The following RANBP17 variants were observed in gnomAD, a reference collection of about 807,000 sequenced individuals.
RANBP17 encodes ran-binding protein 17.
In RANBP17, 158 loss-of-function variants were observed where a neutral mutation model predicts 141.2. The ratio of observed to expected loss-of-function variants is 1.12; its 90% CI spans 0.98 to 1.28. The LOEUF (loss-of-function observed/expected upper bound fraction) is 1.28. RANBP17 is among the 50% of genes most tolerant of loss of function. The pLI is 0.00. For synonymous variants in RANBP17, 430 were observed against 450.0 expected, an observed-to-expected ratio of 0.96 and a Z score of 0.56; for missense variants, 1,438 against 1,290.7, an observed-to-expected ratio of 1.11 and a Z score of -1.75.
At chr5:170,903,024 A>C (rs1480672114) in intron 5 of RANBP17, among the ~76,000 whole-genome samples, 1 of 152,190 alleles carries the variant, frequency 6.6e-6, no homozygotes, top group Non-Finnish European at 1.5e-5. Context: ...GAGCTTGAGC[A>C]CCATGCTGGG....
chr5:171,192,858 C>T (rs762354954), intron 18 of RANBP17, among the ~76,000 whole-genome samples: 1 of 152,116 alleles, frequency 6.6e-6, no homozygotes, highest in Non-Finnish European at 1.5e-5. Flanking sequence ...CTGCCTGAAG[C>T]CACAGGTCAT....
intron 14 of RANBP17, among the ~76,000 whole-genome samples, chr5:171,147,917 T>C (rs1050203485): frequency 1.3e-5 from 2 of 152,136 alleles, no homozygotes; most frequent in Non-Finnish European, 2.9e-5. Context: ...GAACGGGCCA[T>C]GATGACAATG....
At chr5:171,232,514 C>G (rs1283466598) in intron 22 of RANBP17, among the ~76,000 whole-genome samples, 1 of 151,700 alleles carries the variant, frequency 6.6e-6, no homozygotes, top group African/African-American at 2.4e-5. Flanking sequence ...TTTTCTCTAA[C>G]TATAAAATAA....
At chr5:171,225,917 C>T (rs1270375055) in intron 22 of RANBP17, among the ~76,000 whole-genome samples, 1 of 152,160 alleles carries the variant, frequency 6.6e-6, no homozygotes, top group African/African-American at 2.4e-5. Flanking sequence ...CTCCTCTTGC[C>T]GTTACAGCTC....
chr5:170,942,694 A>T (rs1192543510), intron 12 of RANBP17, among the ~76,000 whole-genome samples: 1 of 152,232 alleles, frequency 6.6e-6, no homozygotes, highest in East Asian at 1.9e-4. Flanking sequence ...AGTATTGCTA[A>T]TGCATTGATT....
intron 3 of RANBP17, among the ~76,000 whole-genome samples, chr5:170,882,144 C>T (rs948225710): frequency 1.3e-5 from 2 of 152,044 alleles, no homozygotes; most frequent in South Asian, 2.1e-4. Context: ...AGTGCAGTGG[C>T]GCGATCTCAG....
At chr5:171,163,028 A>T (rs1170643186) in intron 14 of RANBP17, among the ~76,000 whole-genome samples, 1 of 152,194 alleles carries the variant, frequency 6.6e-6, no homozygotes, top group African/African-American at 2.4e-5. Context: ...TAACATTCAG[A>T]TGTATTTTAT....
intron 14 of RANBP17, among the ~76,000 whole-genome samples, chr5:171,072,967 CAGTG>C (rs1784713151): frequency 1.3e-5 from 2 of 151,488 alleles, no homozygotes; most frequent in Non-Finnish European, 2.9e-5. Context: ...AACTAAAAGG[CAGTG>C]TATAGTATTA....
chr5:171,053,920 TATATAATTGCTG>T (rs1783162545), intron 14 of RANBP17, among the ~76,000 whole-genome samples: 5 of 62,506 alleles, frequency 8.0e-5, no homozygotes, highest in South Asian at 7.9e-4. Flanking sequence ...TATATATATA[TATATAATTGCTG>T]TATTTGATGC....
At chr5:171,243,677 C>A (rs921852335) in intron 24 of RANBP17, among the ~76,000 whole-genome samples, 9 of 152,338 alleles carry the variant, frequency 5.9e-5, no homozygotes, top group Admixed American at 4.6e-4. Flanking sequence ...TGTATACTCA[C>A]TAACATTATT....
At chr5:171,047,215 A>G (rs1782648066) in intron 14 of RANBP17, among the ~76,000 whole-genome samples, 1 of 151,524 alleles carries the variant, frequency 6.6e-6, no homozygotes, top group East Asian at 1.9e-4. Flanking sequence ...ATGGGGTTTC[A>G]CCATGTTGGC....
At chr5:170,986,620 AAAGAT>A (rs1778159098) in intron 14 of RANBP17, among the ~76,000 whole-genome samples, 1 of 151,930 alleles carries the variant, frequency 6.6e-6, no homozygotes, top group African/African-American at 2.4e-5. Flanking sequence ...AAATTTTTTA[AAAGAT>A]AAGTTCTCAT....
chr5:170,915,755 C>G (rs928092044), intron 8 of RANBP17, among the ~76,000 whole-genome samples: 5 of 152,004 alleles, frequency 3.3e-5, no homozygotes, highest in African/African-American at 1.2e-4. Context: ...CCCCCTGCCC[C>G]CCCCAACAGG....
At chr5:170,949,407 T>C (rs568086943) in intron 12 of RANBP17, among the ~76,000 whole-genome samples, 108 of 152,144 alleles carry the variant, frequency 7.1e-4, no homozygotes, top group African/African-American at 2.6e-3. Flanking sequence ...CCCTTAAAAA[T>C]GGGCAATGGA....
At chr5:171,012,100 TA>T (rs1561986292) in intron 14 of RANBP17, among the ~76,000 whole-genome samples, 1 of 151,698 alleles carries the variant, frequency 6.6e-6, no homozygotes. Flanking sequence ...TTTAAACAAA[TA>T]ATACATTTGT....
intron 24 of RANBP17, among the ~76,000 whole-genome samples, chr5:171,262,511 T>G (rs906927006): frequency 6.6e-6 from 1 of 152,150 alleles, no homozygotes; most frequent in African/African-American, 2.4e-5. Context: ...TTTTTGGCTT[T>G]TATTATTTTT....
intron 13 of RANBP17, among the ~76,000 whole-genome samples, chr5:170,954,878 C>G (rs886091219): frequency 7.2e-5 from 11 of 152,258 alleles, no homozygotes; most frequent in Admixed American, 3.3e-4. Context: ...GGGTCCCCAA[C>G]CCCTGTACTG....
At chr5:170,930,723 C>T (rs867451048) in intron 12 of RANBP17, among the ~76,000 whole-genome samples, 1 of 152,256 alleles carries the variant, frequency 6.6e-6, no homozygotes, top group Middle Eastern at 3.4e-3. Flanking sequence ...ATCCATGTCC[C>T]TATAAAGGAC....
At chr5:171,205,794 G>A (rs1027694519) in intron 20 of RANBP17, 182 bp downstream of exon 20, 1 of 694,556 alleles carries the variant, frequency 1.4e-6, no homozygotes, top group African/African-American at 1.8e-5. Context: ...AGTATTTGGA[G>A]ACCCAGCTCA....
Sources: allele counts gnomAD v4.1 joint callset (sites outside exome capture counted in the v4.1 genomes callset), GRCh38; gene constraint gnomAD v4.1.1; transcripts MANE v1.5; gene names NCBI Gene and HGNC (gene_info 2026-07-23, HGNC 2026-07-21).